LIPM: variants seen among roughly 807,000 people sequenced by gnomAD.
The protein encoded by LIPM is lipase family member M, also known as lipase member M.
In LIPM, 42 loss-of-function variants were observed where a neutral mutation model predicts 42.4. The observed-to-expected ratio is 0.99, with a 90% confidence interval of 0.77 to 1.28. The LOEUF is 1.28. Among genes scored for constraint, LIPM ranks in the 50% most tolerant of loss-of-function variants. LIPM has a pLI of 0.00. For missense variants in LIPM, 524 were observed against 520.1 expected (o/e 1.01, Z -0.07); for synonymous variants, 177 against 173.3 (o/e 1.02, Z -0.17).
chr10:88,808,296 A>G lies in LIPM; in HGVS notation c.148-2A>G, dbSNP rs1564595541. The G allele has an allele frequency of 3.9e-6, 6 of 1,522,584 alleles. No homozygotes were observed. The highest frequency in any genetic ancestry group is 5.4e-6 in the Non-Finnish European group (6 of 1,120,720). 94.3% of individuals were successfully genotyped at this position (1,522,584 alleles called of 1,614,324 possible). ...CTAAAAGAAATTGTGCTTTTTCCAT[A>G]GAGTGAAATCATCCAACATCAAGGC... On this transcript the variant is annotated splice_acceptor_variant, in intron 1 of 8. Coordinates refer to ENST00000404743, the MANE Select transcript of LIPM (RefSeq NM_001128215.1). LOFTEE classifies it high-confidence loss of function.
chr10:88,817,332 C>T lies in LIPM; in HGVS notation c.930+445C>T, dbSNP rs546431790. Among the ~76,000 whole-genome samples, 61 of 152,310 alleles carry T rather than the reference C, an allele frequency of 4.0e-4. 1 individual carries two copies. Among genetic ancestry groups the T allele is most frequent in the African/African-American group, 1.4e-3 (60 of 41,568 alleles). Reference sequence around the variant, plus strand: ...CTGCAATTACAGGAAACACACACCTCTGTGTGTCTATGTGGTGTGTGTGAA... The same window carrying T: ...CTGCAATTACAGGAAACACACACCTTTGTGTGTCTATGTGGTGTGTGTGAA... On this transcript the variant is annotated intron_variant, in intron 7 of 8. Coordinates refer to ENST00000404743, the MANE Select transcript of LIPM (RefSeq NM_001128215.1).
At chr10:88,815,026 T>C (rs981294309) in intron 4 of LIPM, 62 bp from the exon 5 acceptor site, 4 of 1,439,512 alleles carry the variant, frequency 2.8e-6, no homozygotes, top group Non-Finnish European at 3.7e-6. Context: ...AAAAGCAAAA[T>C]ATACATTTTA....
Position 88,816,745 on chromosome 10 carries a change from A to G in LIPM, c.859-71A>G, listed in dbSNP as rs1843722332. The G allele has an allele frequency of 5.2e-6, 5 of 960,156 alleles. No individual in the cohort carries two copies. In the South Asian group the frequency reaches 7.1e-5, roughly 14 times the overall value. The allele number at this position is 960,156 out of a possible 1,614,324, so 59.5% of individuals were successfully genotyped here. On this transcript the variant is annotated intron_variant, in intron 6 of 8. Coordinates refer to ENST00000404743, the MANE Select transcript of LIPM (RefSeq NM_001128215.1). ...CATTTCTTAGTCTGACACCCTGGAG[A>G]TTTGGTCTTGACAGGGTATACATCT...
chr10:88,819,587 A>C (rs1843762544), intron 8 of LIPM, among the ~76,000 whole-genome samples: 2 of 152,138 alleles, frequency 1.3e-5, no homozygotes, highest in Admixed American at 1.3e-4. Flanking sequence ...TTCTACTAAC[A>C]CTGCATAAAT....
intron 2 of LIPM, among the ~76,000 whole-genome samples, chr10:88,809,592 A>G (rs746708753): frequency 1.5e-4 from 23 of 152,212 alleles, no homozygotes; most frequent in Non-Finnish European, 2.6e-4. Flanking sequence ...AACTTGCCCA[A>G]AACGTCTGTG....
At chr10:88,810,991 A>C (rs897779799) in intron 2 of LIPM, among the ~76,000 whole-genome samples, 2 of 152,164 alleles carry the variant, frequency 1.3e-5, no homozygotes, top group Non-Finnish European at 2.9e-5. Flanking sequence ...CTAAAATAAC[A>C]CTGAGTTCCT....
At chr10:88,811,875 A>T (rs1843660357) in intron 2 of LIPM, among the ~76,000 whole-genome samples, 1 of 152,132 alleles carries the variant, frequency 6.6e-6, no homozygotes, top group Non-Finnish European at 1.5e-5. Flanking sequence ...TCTCTTCTAT[A>T]ACTGCAATAC....
At chr10:88,806,829 C>A (rs1843594202) in intron 1 of LIPM, among the ~76,000 whole-genome samples, 1 of 152,126 alleles carries the variant, frequency 6.6e-6, no homozygotes, top group Non-Finnish European at 1.5e-5. Flanking sequence ...GGACTATAGG[C>A]ATGCACCACC....
intron 2 of LIPM, among the ~76,000 whole-genome samples, chr10:88,810,231 G>T (rs751119047): frequency 1.3e-5 from 2 of 152,174 alleles, no homozygotes; most frequent in Non-Finnish European, 2.9e-5. Context: ...TAAATGAATA[G>T]CCTGGGGACA....
At chr10:88,820,005 G>A (rs963895410) in intron 8 of LIPM, among the ~76,000 whole-genome samples, 1 of 152,196 alleles carries the variant, frequency 6.6e-6, no homozygotes, top group African/African-American at 2.4e-5. Context: ...AGTTATTACA[G>A]ATATTATCCC....
At position 88,814,326 on chromosome 10, in the gene LIPM, A is replaced by G. The variant is rs867917225; in HGVS notation, c.465-204A>G. On this transcript the variant is annotated intron_variant, in intron 3 of 8. Coordinates refer to ENST00000404743, the MANE Select transcript of LIPM (RefSeq NM_001128215.1). Reference sequence around the variant, plus strand: ...CTACGTGATAACATCTAGAGAAAACAGCAGTTTGCTGACAGCCTGTGACTC... The same window carrying G: ...CTACGTGATAACATCTAGAGAAAACGGCAGTTTGCTGACAGCCTGTGACTC... Among the ~76,000 whole-genome samples, 11 of 152,232 alleles carry G rather than the reference A, an allele frequency of 7.2e-5. 1 individual carries two copies. Among genetic ancestry groups the G allele is most frequent in the South Asian group, 2.1e-4 (1 of 4,832 alleles).
chr10:88,817,370 G>T (rs573269698), intron 7 of LIPM, among the ~76,000 whole-genome samples: 1 of 152,286 alleles, frequency 6.6e-6, no homozygotes, highest in African/African-American at 2.4e-5. Context: ...AGAGGGATGG[G>T]GGAAGGAGAG....
At chr10:88,814,698 G>C in intron 4 of LIPM, 59 bp downstream of exon 4, 1 of 1,280,278 alleles carries the variant, frequency 7.8e-7, no homozygotes, top group South Asian at 1.3e-5. Flanking sequence ...TACGACACTA[G>C]CTATCCCTGA....
intron 4 of LIPM, among the ~76,000 whole-genome samples, 167 bp from the exon 5 acceptor site, chr10:88,814,921 T>A (rs1381781132): frequency 1.3e-5 from 2 of 152,252 alleles, no homozygotes; most frequent in Non-Finnish European, 2.9e-5. Context: ...GAGCACCTAC[T>A]ACTTGAAAGC....
chr10:88,803,556 A>G (rs559439461), intron 1 of LIPM, among the ~76,000 whole-genome samples: 58 of 151,746 alleles, frequency 3.8e-4, no homozygotes, highest in Non-Finnish European at 6.9e-4. Context: ...AGTTAGTGCT[A>G]CACAGAACCT....
At chr10:88,812,502 T>C (rs1294222432) in intron 2 of LIPM, among the ~76,000 whole-genome samples, 2 of 152,232 alleles carry the variant, frequency 1.3e-5, no homozygotes, top group Non-Finnish European at 2.9e-5. Flanking sequence ...ATTCTGTAAA[T>C]AAGAGCTTTT....
chr10:88,816,679 T>A (rs1843721549), intron 6 of LIPM, 137 bp from the exon 7 acceptor site: 1 of 617,574 alleles, frequency 1.6e-6, no homozygotes, highest in African/African-American at 1.8e-5. Context: ...ATGTACATAT[T>A]TTTGTTTCAT....
At chr10:88,813,072 C>G in intron 2 of LIPM, 25 bp from the exon 3 acceptor site, 4 of 1,529,958 alleles carry the variant, frequency 2.6e-6, no homozygotes, top group Non-Finnish European at 2.7e-6. Flanking sequence ...ACATTTCATA[C>G]AGTTGAAATT....
rs1843675806 is a variant in LIPM, at chr10:88,813,253, A to T, written c.422A>T (p.His141Leu). The change falls in exon 3 of 9, where the codon CAC becomes CTC. Residue 141 changes from histidine (H) to leucine (L), a missense_variant. Transcript: ENST00000404743. The part of the protein sequence containing the change: ...NSRGNAWSRK[H>L]KTLSIDQDEF... Reference sequence around the variant, plus strand: ...AGGGGAAACGCCTGGTCTCGAAAACACAAGACACTCTCCATAGACCAAGAT... The same window carrying T: ...AGGGGAAACGCCTGGTCTCGAAAACTCAAGACACTCTCCATAGACCAAGAT... 6.2e-7 allele frequency: 1 copy of T among 1,612,146 alleles called. No homozygotes were observed. Among genetic ancestry groups the T allele is most frequent in the Non-Finnish European group, 8.5e-7 (1 of 1,179,018 alleles).
Sources: gnomAD v4.1 joint callset for allele counts (sites outside exome capture counted in the v4.1 genomes callset) on GRCh38, gnomAD v4.1.1 for gene constraint, MANE v1.5 for transcripts, NCBI Gene and HGNC (gene_info 2026-07-23, HGNC 2026-07-21) for gene names.